The following DMBT1 variants were observed in gnomAD, a reference collection of about 807,000 sequenced individuals.
The protein encoded by DMBT1 is scavenger receptor cysteine-rich domain-containing protein DMBT1.
Under a neutral mutation model 252.9 loss-of-function variants are expected in DMBT1, and 198 were observed. The ratio of observed to expected loss-of-function variants is 0.78; its 90% confidence interval spans 0.70 to 0.88. DMBT1 has a LOEUF of 0.88. DMBT1 is among the 40% of genes least tolerant of loss of function. The probability of loss-of-function intolerance (pLI) is 0.00; values close to 1 mark genes in which losing one functional copy is unlikely to be tolerated. For missense variants in DMBT1, 2,432 were observed against 2,404.7 expected (o/e 1.01, Z -0.24); for synonymous variants, 990 against 942.7 (o/e 1.05, Z -0.92).
At chr10:122,578,421 T>C (rs1008664111) in intron 8 of DMBT1, among the ~76,000 whole-genome samples, 9 of 152,110 alleles carry the variant, frequency 5.9e-5, no homozygotes, top group Non-Finnish European at 1.0e-4. Context: ...GGCAGTGGTG[T>C]CAGATGAGCC....
At chr10:122,580,803 G>T in intron 10 of DMBT1, 63 bp from the exon 11 acceptor site, 3 of 1,596,972 alleles carry the variant, frequency 1.9e-6, no homozygotes, top group Non-Finnish European at 2.6e-6. Flanking sequence ...TTCCCTCCTC[G>T]TTCCAGTTTT....
intron 27 of DMBT1, among the ~76,000 whole-genome samples, chr10:122,600,611 C>G (rs144834555): frequency 6.6e-6 from 1 of 152,148 alleles, no homozygotes; most frequent in African/African-American, 2.4e-5. Flanking sequence ...TAACCAGAAA[C>G]CTGATTCCTG....
rs536343748 is a variant in DMBT1, at chr10:122,580,899, G to T, written c.1033+4G>T. The T allele has an allele frequency of 1.9e-6, 3 of 1,613,764 alleles. No homozygotes were observed. Among genetic ancestry groups the T allele is most frequent in the African/African-American group, 1.3e-5 (1 of 74,962 alleles). The stretch of plus-strand genomic sequence containing the variant: ...TCCCGGCCGACACCCAGCCCAGGTA[G>T]GTCCCCAGTGTCCTTCCTCAAAATG... On this transcript the variant is annotated splice_donor_region_variant and intron_variant, in intron 11 of 55. Coordinates refer to ENST00000338354, the MANE Select transcript of DMBT1 (RefSeq NM_001377530.1).
At chr10:122,617,150 C>T in intron 39 of DMBT1, 78 bp from the exon 40 acceptor site, 2 of 1,478,058 alleles carry the variant, frequency 1.4e-6, no homozygotes, top group Non-Finnish European at 1.9e-6. Flanking sequence ...GGTTGATTCC[C>T]CCTCCCAGAG....
At chr10:122,620,972 T>G in intron 43 of DMBT1, 85 bp from the exon 44 acceptor site, 1 of 1,585,060 alleles carries the variant, frequency 6.3e-7, no homozygotes. Context: ...CTTTGGCCAT[T>G]AGGAAGTGCC....
In DMBT1 at chr10:122,593,230, C is replaced by T. The variant is rs146267456; in HGVS notation, c.2501-339C>T. 7.5e-3 allele frequency among the ~76,000 whole-genome samples: 1,114 copies of T among 148,748 alleles called. 47 individuals carry two copies. The highest frequency in any genetic ancestry group is 0.025 in the African/African-American group (1,042 of 41,162). On this transcript the variant is annotated intron_variant, in intron 20 of 55. Transcript: ENST00000338354. ...GCCTTGTTATTGCCTGTGGTCGGGG[C>T]TTGAAGATCACACAAGGGATTTTGG... is the stretch of plus-strand genomic sequence containing the variant.
In DMBT1 at chr10:122,580,739, C is replaced by T. The variant is rs145294061; in HGVS notation, c.1004-127C>T. ...CTGTGGGGATGTGCATGGCAATGTC[C>T]CTCCCTGTGTGATAGGAACTAGGAT... is the stretch of plus-strand genomic sequence containing the variant. On this transcript the variant is annotated intron_variant, in intron 10 of 55. Coordinates refer to ENST00000338354, the MANE Select transcript of DMBT1 (RefSeq NM_001377530.1). 2,790 of 1,356,446 alleles carry T rather than the reference C, an allele frequency of 2.1e-3. 30 individuals are homozygous for T. In the African/African-American group the frequency reaches 0.034, roughly 17 times the overall value. The allele number at this position is 1,356,446 out of a possible 1,614,324, so 84.0% of individuals were successfully genotyped here.
Position 122,589,009 on chromosome 10 carries a change from G to A in DMBT1, c.1849G>A (p.Val617Ile). Residue 617 changes from valine (V) to isoleucine (I), a missense_variant, in exon 17 of 56, where the codon GTC (valine) becomes ATC (isoleucine). Physicochemically the swap from Val to Ile is conservative, Grantham distance 29. Coordinates refer to ENST00000338354, the MANE Select transcript of DMBT1 (RefSeq NM_001377530.1). ...TGACAGGTGTCAGGGCCGAGTGGAG[G>A]TCCTATACCGAGGCTCTTGGGGCAC... ...GGDRCQGRVE[V>I]LYRGSWGTVC... The A allele has an allele frequency of 1.3e-6, 2 of 1,588,676 alleles. No homozygotes were observed. Among genetic ancestry groups the A allele is most frequent in the African/African-American group, 1.3e-5 (1 of 74,686 alleles).
chr10:122,635,639 C>T lies in DMBT1; in HGVS notation c.6549-352C>T, dbSNP rs373127494. On this transcript the variant is annotated intron_variant, in intron 52 of 55. Transcript: ENST00000338354. Reference sequence around the variant, plus strand: ...GATCTCGGCTCACTGCAACCTCTGCCTCCTTGGTTCAAGTGATTTTCCTGC... The same window carrying T: ...GATCTCGGCTCACTGCAACCTCTGCTTCCTTGGTTCAAGTGATTTTCCTGC... Among the ~76,000 whole-genome samples the T allele has an allele frequency of 6.2e-4, 94 of 152,324 alleles. 2 individuals are homozygous for T. The highest frequency in any genetic ancestry group is 2.1e-3 in the African/African-American group (88 of 41,560).
At chr10:122,639,439 A>C (rs1738871690) in intron 54 of DMBT1, among the ~76,000 whole-genome samples, 1 of 152,022 alleles carries the variant, frequency 6.6e-6, no homozygotes, top group South Asian at 2.1e-4. Flanking sequence ...GCCGTTTTAT[A>C]GGATTTGGGT....
chr10:122,633,372 G>T, intron 52 of DMBT1, 31 bp downstream of exon 52: 2 of 1,610,590 alleles, frequency 1.2e-6, no homozygotes, highest in Non-Finnish European at 1.7e-6. Flanking sequence ...ATGCCTTGGG[G>T]CCCCACAGAC....
Position 122,573,592 on chromosome 10 carries a change from G to A in DMBT1, c.236-123G>A, listed in dbSNP as rs113656378. Reference sequence around the variant, plus strand: ...GCGATTGGCACATGGTTGGCTTTTAGCAATGGATGGTGCCCTTAGGACCTG... The same window carrying A: ...GCGATTGGCACATGGTTGGCTTTTAACAATGGATGGTGCCCTTAGGACCTG... On this transcript the variant is annotated intron_variant, in intron 5 of 55. Transcript: ENST00000338354. 8,656 of 1,239,328 alleles carry A rather than the reference G, an allele frequency of 7.0e-3. 62 individuals are homozygous for A. The highest frequency in any genetic ancestry group is 8.2e-3 in the Non-Finnish European group (7,007 of 850,542). The allele number at this position is 1,239,328 out of a possible 1,614,324, so 76.8% of individuals were successfully genotyped here. A position where few individuals can be genotyped will look rare whatever the true frequency, so the allele number is the denominator to read the frequency against.
At chr10:122,575,119 A>G (rs1402010882) in intron 6 of DMBT1, among the ~76,000 whole-genome samples, 2 of 152,256 alleles carry the variant, frequency 1.3e-5, no homozygotes, top group Non-Finnish European at 2.9e-5. Flanking sequence ...GGGGAATATT[A>G]GAAGCATTTC....
At chr10:122,576,961 C>T (rs1215452225) in intron 7 of DMBT1, among the ~76,000 whole-genome samples, 1 of 152,222 alleles carries the variant, frequency 6.6e-6, no homozygotes, top group Non-Finnish European at 1.5e-5. Flanking sequence ...CCAAGTCTTT[C>T]CTGGTTATCT....
intron 50 of DMBT1, 117 bp downstream of exon 50, chr10:122,631,992 C>A: frequency 8.4e-7 from 1 of 1,189,160 alleles, no homozygotes; most frequent in Non-Finnish European, 1.2e-6. Flanking sequence ...TGGTACCATC[C>A]TCTACAGCCC....
intron 9 of DMBT1, 125 bp downstream of exon 9, chr10:122,578,884 C>A: frequency 1.1e-6 from 1 of 940,252 alleles, no homozygotes. Flanking sequence ...GGGAGGGTGG[C>A]AGCAGGTGAT....
At chr10:122,620,904 T>C (rs1441669605) in intron 43 of DMBT1, among the ~76,000 whole-genome samples, 153 bp from the exon 44 acceptor site, 2 of 152,222 alleles carry the variant, frequency 1.3e-5, no homozygotes, top group Non-Finnish European at 2.9e-5. Flanking sequence ...TCTTCCACTA[T>C]CATGAAGCTG....
chr10:122,643,412 G>C lies in DMBT1; in HGVS notation c.*14G>C, dbSNP rs1422211020. The C allele has an allele frequency of 1.2e-6, 2 of 1,605,756 alleles. No homozygotes were observed. The highest frequency in any genetic ancestry group is 3.4e-5 in the Admixed American group (2 of 58,964). ...GAGCCTCGGTAGGTGGTCGCTCTCA[G>C]ACCCCACTGTCCACCGGGGCGCAGA... On this transcript the variant is annotated 3_prime_UTR_variant, in exon 56 of 56. Coordinates refer to ENST00000338354, the MANE Select transcript of DMBT1 (RefSeq NM_001377530.1).
chr10:122,561,450 G>A (rs1418912693), intron 1 of DMBT1, among the ~76,000 whole-genome samples: 1 of 152,144 alleles, frequency 6.6e-6, no homozygotes, highest in Non-Finnish European at 1.5e-5. Flanking sequence ...GATGATAAAC[G>A]TGAGAGAGCC....
Sources: gnomAD v4.1 joint callset for allele counts (sites outside exome capture counted in the v4.1 genomes callset) on GRCh38, gnomAD v4.1.1 for gene constraint, MANE v1.5 for transcripts, NCBI Gene and HGNC (gene_info 2026-07-23, HGNC 2026-07-21) for gene names.